Variants in NEK6 observed in about 807,000 individuals in gnomAD.
NEK6 encodes the protein NIMA related kinase 6, also known as serine/threonine-protein kinase Nek6.
Under a neutral mutation model 43.5 loss-of-function variants are expected in NEK6, and 27 were observed. That is an observed-to-expected ratio of 0.62 (90% CI 0.46 to 0.86). The LOEUF is 0.86. Among genes scored for constraint, NEK6 ranks in the 40% least tolerant of loss-of-function variants. NEK6 has a pLI of 0.00. For synonymous variants in NEK6, 167 were observed against 164.1 expected (o/e 1.02, Z -0.14); for missense variants, 318 against 414.4 (o/e 0.77, Z 2.02).
chr9:124,321,433 C>G, intron 4 of NEK6, 26 bp from the exon 5 acceptor site: 25 of 1,465,286 alleles, frequency 1.7e-5, no homozygotes, highest in African/African-American at 2.8e-5. Context: ...CTTGGTGCCC[C>G]CTTCCCTCTT....
intron 2 of NEK6, among the ~76,000 whole-genome samples, chr9:124,310,658 C>T (rs558475155): frequency 9.8e-5 from 15 of 152,322 alleles, no homozygotes; most frequent in African/African-American, 3.1e-4. Context: ...AGTGCAGTAG[C>T]ACGATCTAGG....
intron 7 of NEK6, among the ~76,000 whole-genome samples, chr9:124,329,924 T>G (rs1828880030): frequency 6.6e-6 from 1 of 152,224 alleles, no homozygotes; most frequent in Admixed American, 6.5e-5. Flanking sequence ...TGGGGATGAA[T>G]TATGCATCTG....
At chr9:124,303,632 G>C (rs982757099) in intron 2 of NEK6, among the ~76,000 whole-genome samples, 4 of 152,204 alleles carry the variant, frequency 2.6e-5, no homozygotes, top group Non-Finnish European at 4.4e-5. Context: ...CAAGCATGCA[G>C]AGGGTCCATG....
intron 1 of NEK6, among the ~76,000 whole-genome samples, chr9:124,295,352 C>G (rs999025249): frequency 6.6e-6 from 1 of 152,202 alleles, no homozygotes; most frequent in Non-Finnish European, 1.5e-5. Context: ...ATGACTCTGG[C>G]CTGAGATCGG....
intron 1 of NEK6, among the ~76,000 whole-genome samples, chr9:124,278,831 T>G (rs1831763648): frequency 6.6e-6 from 1 of 152,066 alleles, no homozygotes; most frequent in East Asian, 1.9e-4. Flanking sequence ...CCCGCTCCCT[T>G]GAGAATTCCC....
At chr9:124,273,745 C>T (rs185787215) in intron 1 of NEK6, among the ~76,000 whole-genome samples, 16 of 152,300 alleles carry the variant, frequency 1.1e-4, no homozygotes, top group Non-Finnish European at 1.8e-4. Flanking sequence ...TTCTGAGTGG[C>T]GGCTCGCAGC....
intron 1 of NEK6, chr9:124,261,673 C>A: frequency 1.3e-6 from 1 of 799,416 alleles, no homozygotes. Context: ...ACTACATGTG[C>A]TTGAAATGAA....
Position 124,324,900 on chromosome 9 carries a change from C to T in NEK6, c.406-1430C>T, listed in dbSNP as rs112303079. Among the ~76,000 whole-genome samples, 2 of 152,210 alleles carry T rather than the reference C, an allele frequency of 1.3e-5. No homozygotes were observed. Among genetic ancestry groups the T allele is most frequent in the African/African-American group, 4.8e-5 (2 of 41,536 alleles). ...TTAGAAGTGGGCTAAGGGGGCCAGG[C>T]GTGGTGGCTCACGCCTGTAATCCCA... On this transcript the variant is annotated intron_variant, in intron 5 of 9. Coordinates refer to ENST00000320246, the MANE Select transcript of NEK6 (RefSeq NM_014397.6). The surrounding 1 kb of genome is among the most constrained non-coding windows in gnomAD (Gnocchi z 5.3).
intron 1 of NEK6, among the ~76,000 whole-genome samples, chr9:124,264,142 C>A (rs953271913): frequency 6.6e-6 from 1 of 152,316 alleles, no homozygotes; most frequent in East Asian, 1.9e-4. Context: ...TATGCCCCCG[C>A]CCCCCAAAGC....
rs965392100 is a variant in NEK6, at chr9:124,275,020, C to T, written c.-30+16935C>T. ...CAATTCTTAACCTGAGCAGGGACCC[C>T]AGGGGCACGAGCTCTGCTTAGTTCT... On this transcript the variant is annotated intron_variant, in intron 1 of 9. Transcript: ENST00000320246. This position sits in a 1 kb window ranked among gnomAD's most constrained non-coding sequence, Gnocchi z 4.4. 2.6e-5 allele frequency among the ~76,000 whole-genome samples: 4 copies of T among 152,172 alleles called. No individual in the cohort carries two copies. Among genetic ancestry groups the T allele is most frequent in the African/African-American group, 9.7e-5 (4 of 41,426 alleles).
intron 2 of NEK6, among the ~76,000 whole-genome samples, chr9:124,311,710 G>T (rs1424395467): frequency 6.6e-6 from 1 of 152,156 alleles, no homozygotes; most frequent in East Asian, 1.9e-4. Flanking sequence ...TTTTTTGAGA[G>T]GGGGACAGAG....
intron 4 of NEK6, among the ~76,000 whole-genome samples, chr9:124,314,730 C>G (rs553962449): frequency 6.6e-6 from 1 of 152,028 alleles, no homozygotes; most frequent in East Asian, 1.9e-4. Context: ...TGCAGTGGCA[C>G]AATCTCTGCT....
chr9:124,259,864 G>C (rs1053867644), intron 1 of NEK6, among the ~76,000 whole-genome samples: 1 of 152,228 alleles, frequency 6.6e-6, no homozygotes, highest in African/African-American at 2.4e-5. Context: ...CTTAGACCCA[G>C]GTTGGTCTGG....
intron 1 of NEK6, among the ~76,000 whole-genome samples, chr9:124,298,550 GA>G (rs1175607711): frequency 2.0e-5 from 3 of 152,068 alleles, no homozygotes; most frequent in Non-Finnish European, 2.9e-5. Context: ...CCAGCCCTGA[GA>G]TCACCCCTGT....
chr9:124,313,836 G>A (rs560793222), intron 3 of NEK6, 87 bp from the exon 4 acceptor site: 10 of 1,353,854 alleles, frequency 7.4e-6, no homozygotes, highest in South Asian at 3.7e-5. Context: ...TGGGAGAGCC[G>A]GGACTGGAAA....
intron 9 of NEK6, among the ~76,000 whole-genome samples, chr9:124,350,488 G>A (rs867770447): frequency 2.7e-4 from 31 of 114,230 alleles, no homozygotes; most frequent in African/African-American, 8.6e-4. Flanking sequence ...GGGCATCTGC[G>A]TGACTGACAG....
intron 1 of NEK6, among the ~76,000 whole-genome samples, chr9:124,291,349 G>A (rs893432699): frequency 5.3e-5 from 8 of 152,192 alleles, no homozygotes; most frequent in South Asian, 4.1e-4. Context: ...AGCAAGGGCC[G>A]GTCACGGTGG....
chr9:124,292,952 A>T, intron 1 of NEK6: 1 of 1,571,484 alleles, frequency 6.4e-7, no homozygotes, highest in Non-Finnish European at 8.6e-7. Context: ...TGCCCAGGAG[A>T]GAAGTTTGCT....
chr9:124,343,816 G>A lies in NEK6; in HGVS notation c.718-3893G>A, dbSNP rs936891268. ...TGACAGACACAGCCGGAGAAAACCT[G>A]CCCTTCCCCAAGCCCCAGCACAGCC... On this transcript the variant is annotated intron_variant, in intron 8 of 9. Coordinates refer to ENST00000320246, the MANE Select transcript of NEK6 (RefSeq NM_014397.6). The surrounding 1 kb of genome is among the most constrained non-coding windows in gnomAD (Gnocchi z 5.1). Among the ~76,000 whole-genome samples, 2 of 152,168 alleles carry A rather than the reference G, an allele frequency of 1.3e-5. No homozygotes were observed. The highest frequency in any genetic ancestry group is 3.9e-4 in the East Asian group (2 of 5,188).
Sources: gnomAD v4.1 joint callset for allele counts (sites outside exome capture counted in the v4.1 genomes callset) on GRCh38, gnomAD v4.1.1 for gene constraint, Gnocchi (gnomAD v3.1) non-coding constraint, MANE v1.5 for transcripts, NCBI Gene and HGNC (gene_info 2026-07-23, HGNC 2026-07-21) for gene names.